The following COMMD1 variants were observed in gnomAD, a reference collection of about 807,000 sequenced individuals.
COMMD1 encodes the protein copper metabolism domain containing 1, also known as COMM domain-containing protein 1.
A neutral mutation model predicts 17.2 loss-of-function variants in COMMD1; 10 were observed. The ratio of observed to expected loss-of-function variants is 0.58; its 90% CI spans 0.36 to 0.99. COMMD1 has a LOEUF of 0.99. COMMD1 is among the 50% of genes least tolerant of loss of function. COMMD1 has a pLI of 0.01. For synonymous variants in COMMD1, 97 were observed against 91.6 expected (o/e 1.06, Z -0.34); for missense variants, 270 against 231.8 (o/e 1.17, Z -1.07).
intron 1 of COMMD1, among the ~76,000 whole-genome samples, chr2:61,960,463 C>T (rs1012245552): frequency 2.6e-5 from 4 of 152,088 alleles, no homozygotes; most frequent in Non-Finnish European, 4.4e-5. Flanking sequence ...AGAACTGAAG[C>T]GATAGTTTCC....
At chr2:62,038,248 A>G (rs1329380310) in intron 2 of COMMD1, among the ~76,000 whole-genome samples, 5 of 152,198 alleles carry the variant, frequency 3.3e-5, no homozygotes, top group African/African-American at 1.2e-4. Context: ...AGATGGCGCC[A>G]TTGCACTCCA....
chr2:62,118,711 T>A (rs550820647), intron 2 of COMMD1, among the ~76,000 whole-genome samples: 1 of 152,308 alleles, frequency 6.6e-6, no homozygotes, highest in East Asian at 1.9e-4. Flanking sequence ...GCAGTCCCCG[T>A]AAATTAAATT....
In COMMD1 at chr2:62,015,698, TTTTTTTTTTTTC is replaced by T. The variant is rs796575815; in HGVS notation, c.462+14728_462+14739del. Among the ~76,000 whole-genome samples, 143 of 151,518 alleles carry T rather than the reference TTTTTTTTTTTTC, an allele frequency of 9.4e-4. 2 individuals are homozygous for T. The highest frequency in any genetic ancestry group is 3.1e-3 in the African/African-American group (130 of 41,270). On this transcript the variant is annotated intron_variant, in intron 2 of 2. Coordinates refer to ENST00000311832, the MANE Select transcript of COMMD1 (RefSeq NM_152516.4). ...ACTAACACTTGTTAGTTTCTGGGTTTTTTTTTTTTTTCTTTTTTTTTTTTGATAGTTGTCATC... is the reference window on the plus strand; with the variant it reads ...ACTAACACTTGTTAGTTTCTGGGTTTTTTTTTTTTTTTGATAGTTGTCATC...
At chr2:62,047,094 C>T (rs1558576375) in intron 2 of COMMD1, among the ~76,000 whole-genome samples, 1 of 152,180 alleles carries the variant, frequency 6.6e-6, no homozygotes, top group African/African-American at 2.4e-5. Flanking sequence ...GTTGGGAAGA[C>T]AGAAATGAAG....
At chr2:61,992,209 G>T (rs1265358546) in intron 1 of COMMD1, among the ~76,000 whole-genome samples, 2 of 152,138 alleles carry the variant, frequency 1.3e-5, no homozygotes, top group African/African-American at 4.8e-5. Flanking sequence ...AAATGGTATT[G>T]TCACTGGTAA....
intron 1 of COMMD1, among the ~76,000 whole-genome samples, chr2:61,920,965 G>GTATATATATATGTGTGTA (rs535785700): frequency 3.1e-5 from 4 of 127,940 alleles, no homozygotes; most frequent in South Asian, 2.6e-4. Context: ...ATATATGTGT[G>GTATATATATATGTGTGTA]TATATATATA....
At chr2:61,902,384 T>C (rs1023007358), upstream of COMMD1, among the ~76,000 whole-genome samples, 2 of 151,844 alleles carry the variant, frequency 1.3e-5, no homozygotes, top group African/African-American at 4.8e-5. Context: ...CGCACGCCTG[T>C]AGTCCCAGCT....
intron 1 of COMMD1, among the ~76,000 whole-genome samples, chr2:61,977,449 G>T (rs1166861961): frequency 6.7e-6 from 1 of 150,266 alleles, no homozygotes. Context: ...TCTTCATGTT[G>T]GTTAGGCTGG....
intron 2 of COMMD1, among the ~76,000 whole-genome samples, chr2:62,018,259 C>T (rs2103848911): frequency 6.6e-6 from 1 of 152,264 alleles, no homozygotes; most frequent in South Asian, 2.1e-4. Flanking sequence ...TATAAATTGA[C>T]AGCTGATACC....
At chr2:62,031,954 G>T (rs1321764990) in intron 2 of COMMD1, among the ~76,000 whole-genome samples, 1 of 152,126 alleles carries the variant, frequency 6.6e-6, no homozygotes, top group African/African-American at 2.4e-5. Context: ...TGTTGCTTCT[G>T]TGAAATGCTC....
At chr2:62,093,589 G>A (rs745465211) in intron 2 of COMMD1, among the ~76,000 whole-genome samples, 1 of 152,176 alleles carries the variant, frequency 6.6e-6, no homozygotes, top group African/African-American at 2.4e-5. Flanking sequence ...GAGGGTATTT[G>A]TAGGACGAAA....
At chr2:62,046,987 G>A (rs1217064773) in intron 2 of COMMD1, among the ~76,000 whole-genome samples, 1 of 152,176 alleles carries the variant, frequency 6.6e-6, no homozygotes, top group Non-Finnish European at 1.5e-5. Flanking sequence ...CCTTGCTTGA[G>A]GAAGAAGACA....
intron 1 of COMMD1, among the ~76,000 whole-genome samples, chr2:61,998,246 CTTT>C (rs71410912): frequency 4.7e-5 from 6 of 126,474 alleles, no homozygotes; most frequent in Admixed American, 1.6e-4. Context: ...GTTGTGCTTT[CTTT>C]TTTTTTTTTT....
Position 61,991,123 on chromosome 2 carries a change from A to G in COMMD1, c.181-9578A>G, listed in dbSNP as rs562077231. 3.1e-4 allele frequency among the ~76,000 whole-genome samples: 47 copies of G among 152,026 alleles called. 1 individual carries two copies. Among genetic ancestry groups the G allele is most frequent in the African/African-American group, 1.0e-3 (43 of 41,512 alleles). Reference sequence around the variant, plus strand: ...AAAAAAAGTGATGAATTACATTTTCATTTTTCATTCAAATTCTTTTTTTTC... The same window carrying G: ...AAAAAAAGTGATGAATTACATTTTCGTTTTTCATTCAAATTCTTTTTTTTC... On this transcript the variant is annotated intron_variant, in intron 1 of 2. Coordinates refer to ENST00000311832, the MANE Select transcript of COMMD1 (RefSeq NM_152516.4).
chr2:62,096,436 A>G (rs1672013331), intron 2 of COMMD1, among the ~76,000 whole-genome samples: 1 of 152,210 alleles, frequency 6.6e-6, no homozygotes. Flanking sequence ...TTTCATGTAC[A>G]AAGAGGGTAA....
At chr2:61,918,769 A>T (rs1453161347) in intron 1 of COMMD1, 1 of 152,174 alleles carries the variant, frequency 6.6e-6, no homozygotes, top group African/African-American at 2.4e-5. Context: ...GGTATAAATG[A>T]TGCAGTCTGG....
At chr2:62,024,737 T>C (rs1669706915) in intron 2 of COMMD1, among the ~76,000 whole-genome samples, 1 of 152,218 alleles carries the variant, frequency 6.6e-6, no homozygotes, top group Non-Finnish European at 1.5e-5. Context: ...ATTTGCCTTA[T>C]AAGATTTTTT....
At chr2:61,941,952 C>T (rs1670760273) in intron 1 of COMMD1, among the ~76,000 whole-genome samples, 2 of 152,226 alleles carry the variant, frequency 1.3e-5, no homozygotes, top group African/African-American at 4.8e-5. Context: ...TAACCACAGG[C>T]CTCAGAGGTA....
At chr2:62,024,752 A>G (rs189511800) in intron 2 of COMMD1, among the ~76,000 whole-genome samples, 12 of 152,276 alleles carry the variant, frequency 7.9e-5, no homozygotes, top group African/African-American at 2.6e-4. Flanking sequence ...TTTTTTTTCT[A>G]TACAAATTTA....
Sources: allele counts gnomAD v4.1 joint callset (sites outside exome capture counted in the v4.1 genomes callset), GRCh38; gene constraint gnomAD v4.1.1; transcripts MANE v1.5; gene names NCBI Gene and HGNC (gene_info 2026-07-23, HGNC 2026-07-21).